EPHA6: variants seen among roughly 807,000 people sequenced by gnomAD.
The protein encoded by EPHA6 is EPH receptor A6.
A neutral mutation model predicts 112.0 loss-of-function variants in EPHA6; 50 were observed. That is an observed-to-expected ratio of 0.45 (90% confidence interval 0.36 to 0.56). EPHA6 has a LOEUF of 0.56. Among genes scored for constraint, EPHA6 ranks in the 20% least tolerant of loss-of-function variants. The probability of loss-of-function intolerance (pLI) is 0.00; values close to 1 mark genes in which losing one functional copy is unlikely to be tolerated. For missense variants in EPHA6, 1,280 were observed against 1,417.4 expected (o/e 0.90, Z 1.56); for synonymous variants, 529 against 490.7 (o/e 1.08, Z -1.03).
chr3:97,285,571 G>T (rs2080436002), intron 5 of EPHA6, among the ~76,000 whole-genome samples: 1 of 151,978 alleles, frequency 6.6e-6, no homozygotes, highest in African/African-American at 2.4e-5. Context: ...TATTTTTTAT[G>T]GCCAGATAGT....
intron 3 of EPHA6, among the ~76,000 whole-genome samples, chr3:97,123,356 A>C (rs745482043): frequency 6.6e-6 from 1 of 152,078 alleles, no homozygotes; most frequent in Non-Finnish European, 1.5e-5. Context: ...TTGTATATTC[A>C]TACTACAAGT....
chr3:97,065,295 A>T (rs959646695), intron 3 of EPHA6, among the ~76,000 whole-genome samples: 1 of 152,176 alleles, frequency 6.6e-6, no homozygotes, highest in Non-Finnish European at 1.5e-5. Context: ...TTACTGAGGT[A>T]ATCACATTGA....
intron 3 of EPHA6, among the ~76,000 whole-genome samples, chr3:97,088,402 G>A (rs1038417835): frequency 2.6e-5 from 4 of 152,066 alleles, no homozygotes; most frequent in African/African-American, 9.7e-5. Flanking sequence ...CATGTGAGAA[G>A]GTCAGTCTGC....
At chr3:97,225,154 A>G (rs995375286) in intron 3 of EPHA6, among the ~76,000 whole-genome samples, 1 of 152,056 alleles carries the variant, frequency 6.6e-6, no homozygotes, top group South Asian at 2.1e-4. Flanking sequence ...AGGGGGTTTC[A>G]CCGTGTTAGC....
At chr3:97,586,077 A>G (rs2093484810) in intron 11 of EPHA6, among the ~76,000 whole-genome samples, 1 of 152,200 alleles carries the variant, frequency 6.6e-6, no homozygotes, top group South Asian at 2.1e-4. Context: ...CTTAGATCCT[A>G]GCAAAATATT....
chr3:97,492,185 A>G (rs1183921538), intron 10 of EPHA6, among the ~76,000 whole-genome samples: 1 of 151,960 alleles, frequency 6.6e-6, no homozygotes, highest in East Asian at 1.9e-4. Flanking sequence ...CTAATGAATG[A>G]TATTAATGTT....
intron 5 of EPHA6, among the ~76,000 whole-genome samples, chr3:97,334,418 C>A (rs1559895620): frequency 6.6e-6 from 1 of 150,422 alleles, no homozygotes; most frequent in African/African-American, 2.4e-5. Context: ...AGTGAAATCA[C>A]TTGTGCCTGG....
At chr3:97,029,983 C>A (rs886280683) in intron 3 of EPHA6, among the ~76,000 whole-genome samples, 10 of 152,010 alleles carry the variant, frequency 6.6e-5, no homozygotes, top group Non-Finnish European at 1.5e-4. Context: ...CTTTGACATA[C>A]CAGTTTTGCT....
chr3:97,221,308 CAAAAAAAAAAAAAAAAAA>C (rs57025573), intron 3 of EPHA6, among the ~76,000 whole-genome samples: 4 of 16,394 alleles, frequency 2.4e-4, no homozygotes, highest in East Asian at 4.4e-3. Context: ...GACTCTGTCT[CAAAAAAAAAAAAAAAAAA>C]AAAAAAAAAA....
chr3:97,730,182 T>C (rs994078840), intron 15 of EPHA6, among the ~76,000 whole-genome samples: 5 of 152,096 alleles, frequency 3.3e-5, no homozygotes, highest in African/African-American at 1.2e-4. Context: ...TTTTCCTTAA[T>C]ATAAGATGTG....
chr3:97,499,195 A>C (rs1560073303), intron 10 of EPHA6, among the ~76,000 whole-genome samples: 1 of 152,068 alleles, frequency 6.6e-6, no homozygotes, highest in Non-Finnish European at 1.5e-5. Flanking sequence ...TTTTTACCTG[A>C]TTCTGTTTTT....
At chr3:97,253,940 A>T (rs183397016) in intron 5 of EPHA6, among the ~76,000 whole-genome samples, 2 of 152,088 alleles carry the variant, frequency 1.3e-5, no homozygotes, top group African/African-American at 4.8e-5. Flanking sequence ...TTTTATAAAC[A>T]TAAATATATT....
rs1423022475 is a variant in EPHA6 at position 97,749,881 on chromosome 3, A to C, written c.*1180A>C. The stretch of plus-strand genomic sequence containing the variant: ...CGAAACCTTCTAAGAAATAAGTATG[A>C]ATACTCCAAAGAGCATATAAACAGA... On this transcript the variant is annotated 3_prime_UTR_variant, in exon 18 of 18. Coordinates refer to ENST00000389672, the MANE Select transcript of EPHA6 (RefSeq NM_001080448.3). Among the ~76,000 whole-genome samples the C allele has an allele frequency of 6.6e-6, 1 of 152,186 alleles. No individual in the cohort carries two copies. The highest frequency in any genetic ancestry group is 2.4e-5 in the African/African-American group (1 of 41,432).
At chr3:96,897,512 T>C (rs751146677) in intron 2 of EPHA6, among the ~76,000 whole-genome samples, 9 of 152,334 alleles carry the variant, frequency 5.9e-5, no homozygotes, top group South Asian at 2.1e-4. Flanking sequence ...CTGAGTCGTC[T>C]GTTCAGAGAT....
intron 2 of EPHA6, among the ~76,000 whole-genome samples, chr3:96,888,901 T>C (rs1181745049): frequency 3.9e-5 from 6 of 152,228 alleles, no homozygotes; most frequent in East Asian, 1.9e-4. Flanking sequence ...TGAACTTTTA[T>C]GCTCTGCTTC....
intron 5 of EPHA6, among the ~76,000 whole-genome samples, chr3:97,269,310 C>T (rs1054676566): frequency 6.6e-6 from 1 of 152,078 alleles, no homozygotes. Context: ...CTCCATTGTC[C>T]CATTTGTCAA....
intron 11 of EPHA6, among the ~76,000 whole-genome samples, chr3:97,588,275 G>A: frequency 6.6e-6 from 1 of 152,160 alleles, no homozygotes; most frequent in Non-Finnish European, 1.5e-5. Flanking sequence ...TGTAACAGAA[G>A]AGGACCAAAC....
At chr3:97,373,220 G>A (rs930634510) in intron 5 of EPHA6, among the ~76,000 whole-genome samples, 4 of 152,082 alleles carry the variant, frequency 2.6e-5, no homozygotes, top group African/African-American at 9.7e-5. Context: ...TGTTTTATAT[G>A]AAGCAACTGT....
intron 14 of EPHA6, chr3:97,646,432 A>G: frequency 1.3e-6 from 1 of 746,476 alleles, no homozygotes; most frequent in South Asian, 3.2e-5. Flanking sequence ...TATAAGTAGA[A>G]ATTCTAATAT....
Sources: gnomAD v4.1 joint callset for allele counts (sites outside exome capture counted in the v4.1 genomes callset) on GRCh38, gnomAD v4.1.1 for gene constraint, MANE v1.5 for transcripts, NCBI Gene and HGNC (gene_info 2026-07-23, HGNC 2026-07-21) for gene names.